The following USP25 variants were observed in gnomAD, a reference collection of about 807,000 sequenced individuals.
USP25 encodes ubiquitin carboxyl-terminal hydrolase 25.
In USP25, 85 loss-of-function variants were observed where a neutral mutation model predicts 158.5. That is an observed-to-expected ratio of 0.54 (90% CI 0.45 to 0.64). The LOEUF (loss-of-function observed/expected upper bound fraction) is 0.64, where lower values mean the gene tolerates loss of function less well. Ranked by LOEUF, USP25 falls within the 30% of genes least tolerant of loss-of-function variation. The pLI is 0.00. For synonymous variants in USP25, 464 were observed against 460.4 expected (o/e 1.01, Z -0.10); for missense variants, 1,242 against 1,327.3 (o/e 0.94, Z 1.00).
At chr21:15,858,650 G>A (rs1479493097) in intron 20 of USP25, among the ~76,000 whole-genome samples, 1 of 151,266 alleles carries the variant, frequency 6.6e-6, no homozygotes, top group Non-Finnish European at 1.5e-5. Context: ...TTCATTTCTG[G>A]TTTTATTGCG....
chr21:15,794,969 T>G (rs1600936567), intron 5 of USP25, among the ~76,000 whole-genome samples: 2 of 151,734 alleles, frequency 1.3e-5, no homozygotes, highest in Admixed American at 1.3e-4. Context: ...TTTCAGGATA[T>G]AATTTAAAAT....
intron 10 of USP25, among the ~76,000 whole-genome samples, chr21:15,819,359 A>C (rs1282549762): frequency 1.3e-5 from 2 of 152,100 alleles, no homozygotes; most frequent in African/African-American, 4.8e-5. Context: ...TACCTCAACT[A>C]GTTTCTTTCT....
chr21:15,759,073 A>G (rs984015163), intron 1 of USP25, among the ~76,000 whole-genome samples: 1 of 152,256 alleles, frequency 6.6e-6, no homozygotes, highest in Non-Finnish European at 1.5e-5. Flanking sequence ...GAGGAAAATA[A>G]TACTTTATAT....
At chr21:15,784,089 G>T (rs568828359) in intron 4 of USP25, among the ~76,000 whole-genome samples, 1 of 152,250 alleles carries the variant, frequency 6.6e-6, no homozygotes, top group Non-Finnish European at 1.5e-5. Context: ...GGAAATGAAA[G>T]AATGATTAAT....
intron 4 of USP25, among the ~76,000 whole-genome samples, chr21:15,781,017 A>G (rs1252414082): frequency 1.3e-5 from 2 of 152,228 alleles, no homozygotes; most frequent in Admixed American, 6.5e-5. Flanking sequence ...AAGAAATATG[A>G]CACAGATTAG....
At chr21:15,831,143 A>G (rs773101646) in intron 15 of USP25, among the ~76,000 whole-genome samples, 3 of 152,238 alleles carry the variant, frequency 2.0e-5, no homozygotes, top group African/African-American at 7.2e-5. Flanking sequence ...TATGTACACA[A>G]TAAATACATT....
At chr21:15,807,892 G>T (rs764458287) in intron 7 of USP25, among the ~76,000 whole-genome samples, 2 of 152,154 alleles carry the variant, frequency 1.3e-5, no homozygotes, top group African/African-American at 2.4e-5. Context: ...TTTACAGCTG[G>T]ATTTTTGCGT....
At chr21:15,849,030 A>T (rs533480414) in intron 19 of USP25, among the ~76,000 whole-genome samples, 23 of 152,156 alleles carry the variant, frequency 1.5e-4, no homozygotes, top group Non-Finnish European at 5.9e-5. Flanking sequence ...ATGGCTCTAC[A>T]TTGTTCTAGT....
chr21:15,823,860 G>T (rs2037358857), intron 10 of USP25, among the ~76,000 whole-genome samples, 179 bp from the exon 11 acceptor site: 1 of 152,090 alleles, frequency 6.6e-6, no homozygotes, highest in Admixed American at 6.5e-5. Context: ...TTTTCAAGAG[G>T]TGTGGAAAAC....
At chr21:15,798,576 C>T (rs2035975449) in intron 5 of USP25, among the ~76,000 whole-genome samples, 1 of 151,216 alleles carries the variant, frequency 6.6e-6, no homozygotes, top group Admixed American at 6.6e-5. Context: ...AGACTGTAAT[C>T]CCTACAAGGG....
intron 10 of USP25, among the ~76,000 whole-genome samples, chr21:15,819,080 G>C (rs186394547): frequency 4.2e-4 from 64 of 152,176 alleles, no homozygotes; most frequent in African/African-American, 1.4e-3. Context: ...TAAAATCTTA[G>C]GACATTGTTC....
At chr21:15,874,298 A>C (rs139254885) in intron 23 of USP25, 105 bp from the exon 24 acceptor site, 4 of 1,059,036 alleles carry the variant, frequency 3.8e-6, no homozygotes, top group East Asian at 2.8e-5. Flanking sequence ...TATAATGTAG[A>C]TTATCAAAAC....
rs2031088647 is a variant in USP25 at position 15,733,025 on chromosome 21, A to G, written c.45+2587A>G. Among the ~76,000 whole-genome samples, 3 of 150,706 alleles carry G rather than the reference A, an allele frequency of 2.0e-5. No homozygotes were observed. The South Asian group carries it at 6.3e-4, about 32-fold the overall frequency. On this transcript the variant is annotated intron_variant, in intron 1 of 25. Coordinates refer to ENST00000400183, the MANE Select transcript of USP25 (RefSeq NM_001283041.3). The stretch of plus-strand genomic sequence containing the variant: ...AATTCTGTGATAATTTTGGTTTTGG[A>G]CATATATCTTCAGCCTTTGTGCTTC...
At chr21:15,742,267 A>G (rs1386420151) in intron 1 of USP25, among the ~76,000 whole-genome samples, 1 of 152,090 alleles carries the variant, frequency 6.6e-6, no homozygotes, top group Non-Finnish European at 1.5e-5. Context: ...TCAGGGCAGA[A>G]TTGTTTGCAG....
intron 1 of USP25, among the ~76,000 whole-genome samples, chr21:15,761,509 A>G (rs1297732601): frequency 6.6e-6 from 1 of 152,224 alleles, no homozygotes; most frequent in Non-Finnish European, 1.5e-5. Context: ...TCAAGCATAT[A>G]TGCACTAAGA....
chr21:15,778,813 A>C (rs961733205), intron 4 of USP25, among the ~76,000 whole-genome samples: 2 of 152,158 alleles, frequency 1.3e-5, no homozygotes, highest in Admixed American at 1.3e-4. Context: ...TGGTAACTCT[A>C]TGTTACTGAA....
Position 15,878,526 on chromosome 21 carries a change from C to G in USP25, c.*51C>G. 1 of 1,531,768 alleles carries G rather than the reference C, an allele frequency of 6.5e-7. No individual in the cohort carries two copies. The highest frequency in any genetic ancestry group is 8.8e-7 in the Non-Finnish European group (1 of 1,135,748). 94.9% of individuals were successfully genotyped at this position (1,531,768 alleles called of 1,614,324 possible). On this transcript the variant is annotated 3_prime_UTR_variant, in exon 26 of 26. Coordinates refer to ENST00000400183, the MANE Select transcript of USP25 (RefSeq NM_001283041.3). The stretch of plus-strand genomic sequence containing the variant: ...GTATAAACTCTTTTTAGTTCTTAAC[C>G]CTTGCCTTCCTGTCACAGGGTTTGC...
chr21:15,870,359 C>T (rs904294487), intron 23 of USP25, among the ~76,000 whole-genome samples: 1 of 152,114 alleles, frequency 6.6e-6, no homozygotes, highest in Non-Finnish European at 1.5e-5. Flanking sequence ...ATTTAAAACT[C>T]CGTAAGGTTG....
At chr21:15,791,957 A>C (rs1237772010) in intron 5 of USP25, among the ~76,000 whole-genome samples, 2 of 151,688 alleles carry the variant, frequency 1.3e-5, no homozygotes, top group African/African-American at 4.8e-5. Context: ...AGTTTTGTAT[A>C]TATTTCCCTG....
Sources: allele counts gnomAD v4.1 joint callset (sites outside exome capture counted in the v4.1 genomes callset), GRCh38; gene constraint gnomAD v4.1.1; transcripts MANE v1.5; gene names NCBI Gene and HGNC (gene_info 2026-07-23, HGNC 2026-07-21).